The following TP63 variants were observed in gnomAD, a reference collection of about 807,000 sequenced individuals.
TP63 encodes the protein tumor protein p63.
TP63 carries 17 observed loss-of-function variants against 82.8 expected under a neutral mutation model. The observed-to-expected ratio is 0.21, with a 90% CI of 0.14 to 0.31. The LOEUF is 0.31. TP63 is among the 10% of genes least tolerant of loss of function. TP63 has a pLI of 1.00. For synonymous variants in TP63, 330 were observed against 321.7 expected, an observed-to-expected ratio of 1.03 and a Z score of -0.28; for missense variants, 648 against 895.3, an observed-to-expected ratio of 0.72 and a Z score of 3.52.
the TP63 span, among the ~76,000 whole-genome samples, chr3:189,608,172 C>T: frequency 1.3e-5 from 2 of 152,048 alleles, no homozygotes; most frequent in Non-Finnish European, 2.9e-5. Context: ...ACTGTGTGTG[C>T]ATGTATGTGT....
chr3:189,625,940 C>G, the TP63 span, among the ~76,000 whole-genome samples: 1 of 152,244 alleles, frequency 6.6e-6, no homozygotes, highest in Non-Finnish European at 1.5e-5. Context: ...GGCCTCTGTT[C>G]CCTTGCATGC....
intron 2 of TP63, 112 bp downstream of exon 2, chr3:189,737,980 A>G: frequency 7.3e-7 from 1 of 1,370,538 alleles, no homozygotes; most frequent in South Asian, 1.3e-5. Flanking sequence ...GAAGTTATTT[A>G]GGAAAAGTTA....
intron 11 of TP63, among the ~76,000 whole-genome samples, chr3:189,887,533 A>G (rs1720582922): frequency 1.3e-5 from 2 of 152,194 alleles, no homozygotes; most frequent in Admixed American, 1.3e-4. Flanking sequence ...TGACTGGCAT[A>G]TAGCTTTACT....
At chr3:189,655,288 T>C (rs1713243037) in intron 1 of TP63, among the ~76,000 whole-genome samples, 1 of 152,154 alleles carries the variant, frequency 6.6e-6, no homozygotes, top group Non-Finnish European at 1.5e-5. Flanking sequence ...ATAACTTTTT[T>C]TGAACCCACC....
In TP63 at chr3:189,823,099, T is replaced by C. The variant is rs150834087; in HGVS notation, c.579+14573T>C. Among the ~76,000 whole-genome samples, 1,127 of 152,290 alleles carry C rather than the reference T, an allele frequency of 7.4e-3. 20 individuals carry two copies. Among genetic ancestry groups the C allele is most frequent in the African/African-American group, 0.026 (1,089 of 41,562 alleles). The stretch of plus-strand genomic sequence containing the variant: ...TACAGATTGACTGCAATTGACCTTT[T>C]CTATGCCAGACCATTGGTTAACTGA... On this transcript the variant is annotated intron_variant, in intron 4 of 13. Coordinates refer to ENST00000264731, the MANE Select transcript of TP63 (RefSeq NM_003722.5).
intron 10 of TP63, among the ~76,000 whole-genome samples, chr3:189,875,379 A>G (rs1029750232): frequency 6.6e-6 from 1 of 151,374 alleles, no homozygotes; most frequent in African/African-American, 2.4e-5. Flanking sequence ...GAGCCTGGTC[A>G]ATATGGTGAA....
At chr3:189,828,086 C>G (rs1442024785) in intron 4 of TP63, among the ~76,000 whole-genome samples, 1 of 151,906 alleles carries the variant, frequency 6.6e-6, no homozygotes, top group African/African-American at 2.4e-5. Flanking sequence ...ACTAAAAATA[C>G]AAAAATTAGC....
intron 4 of TP63, among the ~76,000 whole-genome samples, chr3:189,820,835 T>A (rs779067959): frequency 2.6e-5 from 4 of 152,222 alleles, no homozygotes; most frequent in Non-Finnish European, 4.4e-5. Context: ...CTCATGGGTA[T>A]TTTTGCTTCC....
intron 4 of TP63, among the ~76,000 whole-genome samples, chr3:189,839,214 T>TA (rs1187157183): frequency 6.6e-6 from 1 of 152,214 alleles, no homozygotes; most frequent in Non-Finnish European, 1.5e-5. Context: ...ATGAAGGATC[T>TA]AAAATGTCAG....
chr3:189,600,541 A>T, the TP63 span, among the ~76,000 whole-genome samples: 1 of 152,222 alleles, frequency 6.6e-6, no homozygotes. Context: ...TGTGACAACT[A>T]GTAAGTATCA....
At chr3:189,836,763 T>G (rs995073791) in intron 4 of TP63, among the ~76,000 whole-genome samples, 2 of 152,180 alleles carry the variant, frequency 1.3e-5, no homozygotes. Flanking sequence ...CCTCAGTTCA[T>G]GGATTGCTGA....
At chr3:189,717,802 A>G (rs1208430938) in intron 1 of TP63, among the ~76,000 whole-genome samples, 2 of 152,114 alleles carry the variant, frequency 1.3e-5, no homozygotes, top group African/African-American at 4.8e-5. Flanking sequence ...TTGAAATTGG[A>G]CCCAGCCTCC....
the TP63 span, among the ~76,000 whole-genome samples, chr3:189,603,579 G>A: frequency 2.5e-4 from 37 of 145,928 alleles, no homozygotes; most frequent in Admixed American, 2.2e-3. Flanking sequence ...AGGAACTACC[G>A]GACACCCCAT....
At chr3:189,685,814 CA>C (rs1716389401) in intron 1 of TP63, among the ~76,000 whole-genome samples, 1 of 152,096 alleles carries the variant, frequency 6.6e-6, no homozygotes, top group African/African-American at 2.4e-5. Flanking sequence ...GGATGTGAAT[CA>C]GAGGTAATAT....
At chr3:189,608,955 A>G in the TP63 span, among the ~76,000 whole-genome samples, 3 of 151,458 alleles carry the variant, frequency 2.0e-5, no homozygotes, top group Middle Eastern at 3.4e-3. Flanking sequence ...GCATGGGTAC[A>G]AGTAGTTTCA....
intron 4 of TP63, among the ~76,000 whole-genome samples, chr3:189,841,100 G>A (rs1714045992): frequency 6.6e-6 from 1 of 152,022 alleles, no homozygotes; most frequent in African/African-American, 2.4e-5. Flanking sequence ...ATAATGATTT[G>A]AACACGGCAA....
At chr3:189,738,914 TGA>T in intron 3 of TP63, 140 bp downstream of exon 3, 2 of 1,279,130 alleles carry the variant, frequency 1.6e-6, no homozygotes, top group Non-Finnish European at 2.2e-6. Flanking sequence ...TGTTGTTAGC[TGA>T]GAGAAGATTT....
At chr3:189,752,200 T>C (rs1401156633) in intron 3 of TP63, among the ~76,000 whole-genome samples, 1 of 152,132 alleles carries the variant, frequency 6.6e-6, no homozygotes, top group Non-Finnish European at 1.5e-5. Context: ...TTTGAGACAG[T>C]GTGTCCCTCT....
chr3:189,875,607 T>TATATATATATATATATACAC (rs1719001327), intron 10 of TP63, among the ~76,000 whole-genome samples: 4 of 56,100 alleles, frequency 7.1e-5, no homozygotes, highest in Non-Finnish European at 1.7e-4. Flanking sequence ...TATATATATA[T>TATATATATATATATATACAC]ATATATATAT....
Sources: allele counts gnomAD v4.1 joint callset (sites outside exome capture counted in the v4.1 genomes callset), GRCh38; gene constraint gnomAD v4.1.1; transcripts MANE v1.5; gene names NCBI Gene and HGNC (gene_info 2026-07-23, HGNC 2026-07-21).